Variants in ZDHHC14 observed in about 807,000 individuals in gnomAD.
ZDHHC14 encodes the protein zDHHC palmitoyltransferase 14.
Under a neutral mutation model 47.7 loss-of-function variants are expected in ZDHHC14, and 16 were observed. The ratio of observed to expected loss-of-function variants is 0.34; its 90% confidence interval spans 0.23 to 0.51. The LOEUF (loss-of-function observed/expected upper bound fraction) is 0.51, where lower values mean the gene tolerates loss of function less well. ZDHHC14 is among the 20% of genes least tolerant of loss of function. ZDHHC14 has a pLI of 0.97. For missense variants in ZDHHC14, 515 were observed against 662.5 expected, an observed-to-expected ratio of 0.78 and a Z score of 2.44; for synonymous variants, 293 against 278.9, an observed-to-expected ratio of 1.05 and a Z score of -0.50.
At chr6:157,455,420 G>A (rs565882944) in intron 1 of ZDHHC14, among the ~76,000 whole-genome samples, 1 of 152,390 alleles carries the variant, frequency 6.6e-6, no homozygotes, top group South Asian at 2.1e-4. Context: ...GGGGGTTCCT[G>A]TTGAGTGCCT....
chr6:157,617,676 T>C (rs1195096539), intron 3 of ZDHHC14, among the ~76,000 whole-genome samples: 1 of 106,978 alleles, frequency 9.3e-6, no homozygotes, highest in Non-Finnish European at 1.7e-5. Context: ...AACTCTATTC[T>C]GAAATCTTTT....
chr6:157,442,575 A>G (rs544117952), intron 1 of ZDHHC14, among the ~76,000 whole-genome samples: 41 of 152,298 alleles, frequency 2.7e-4, no homozygotes, highest in African/African-American at 9.6e-4. Context: ...GATAAATATC[A>G]CTTCCATTAA....
chr6:157,590,871 A>G (rs535904756), intron 2 of ZDHHC14, among the ~76,000 whole-genome samples: 12 of 152,374 alleles, frequency 7.9e-5, no homozygotes, highest in African/African-American at 2.9e-4. Flanking sequence ...CTGCAAAGTC[A>G]TAGGGCGGAG....
intron 8 of ZDHHC14, among the ~76,000 whole-genome samples, chr6:157,670,856 C>T (rs1277110913): frequency 6.6e-6 from 1 of 152,204 alleles, no homozygotes; most frequent in Non-Finnish European, 1.5e-5. Context: ...TTGAAGACTG[C>T]AGCCCCTCAA....
At chr6:157,407,622 A>G (rs886698325) in intron 1 of ZDHHC14, among the ~76,000 whole-genome samples, 3 of 152,230 alleles carry the variant, frequency 2.0e-5, no homozygotes, top group Non-Finnish European at 2.9e-5. Context: ...AAAGTAAAAG[A>G]GAATTAAAAA....
chr6:157,592,972 C>T lies in ZDHHC14; in HGVS notation c.407-16C>T. The stretch of plus-strand genomic sequence containing the variant: ...GGCTCTGAAGGTGTGCGCTCTTTCT[C>T]TTCTTTTCTCCACAGATATCGCAAA... On this transcript the variant is annotated splice_polypyrimidine_tract_variant and intron_variant, in intron 2 of 8. Coordinates refer to ENST00000359775, the MANE Select transcript of ZDHHC14 (RefSeq NM_024630.3). 1 of 1,605,620 alleles carries T rather than the reference C, an allele frequency of 6.2e-7. No individual in the cohort carries two copies. Among genetic ancestry groups the T allele is most frequent in the Non-Finnish European group, 8.5e-7 (1 of 1,176,498 alleles).
chr6:157,602,489 C>CAA (rs552594669), intron 3 of ZDHHC14, among the ~76,000 whole-genome samples: 1,117 of 60,528 alleles, frequency 0.018, 29 homozygotes, highest in African/African-American at 0.067. Context: ...GACTCCGTTT[C>CAA]AAAAAAAAAA....
At position 157,582,097 on chromosome 6, in the gene ZDHHC14, A is replaced by G. The variant is rs1334425867; in HGVS notation, c.407-10891A>G. Reference sequence around the variant, plus strand: ...TTTTTAGTAGATTTGGGCTTTCTCCATGTTGGCCAGGCTGGTCTCAAACTC... The same window carrying G: ...TTTTTAGTAGATTTGGGCTTTCTCCGTGTTGGCCAGGCTGGTCTCAAACTC... On this transcript the variant is annotated intron_variant, in intron 2 of 8. Coordinates refer to ENST00000359775, the MANE Select transcript of ZDHHC14 (RefSeq NM_024630.3). This position sits in a 1 kb window ranked among gnomAD's most constrained non-coding sequence, Gnocchi z 4.3. 2.0e-5 allele frequency among the ~76,000 whole-genome samples: 3 copies of G among 152,102 alleles called. No individual in the cohort carries two copies. Among genetic ancestry groups the G allele is most frequent in the Admixed American group, 6.5e-5 (1 of 15,280 alleles).
intron 8 of ZDHHC14, among the ~76,000 whole-genome samples, chr6:157,668,660 A>T (rs1020504616): frequency 6.6e-6 from 1 of 152,170 alleles, no homozygotes; most frequent in African/African-American, 2.4e-5. Flanking sequence ...AGATCGTGCC[A>T]CTGCACTCCA....
chr6:157,491,306 T>G (rs1452247214), intron 1 of ZDHHC14, among the ~76,000 whole-genome samples: 1 of 152,234 alleles, frequency 6.6e-6, no homozygotes, highest in Non-Finnish European at 1.5e-5. Context: ...AGGCTTTGTC[T>G]TTTGCTGAGG....
intron 3 of ZDHHC14, among the ~76,000 whole-genome samples, chr6:157,623,367 T>C (rs1473016525): frequency 1.3e-5 from 2 of 152,078 alleles, no homozygotes; most frequent in Non-Finnish European, 2.9e-5. Flanking sequence ...CATTCTTCTC[T>C]CTCCTTCTGC....
At chr6:157,419,088 T>G (rs1356046507) in intron 1 of ZDHHC14, among the ~76,000 whole-genome samples, 4 of 152,172 alleles carry the variant, frequency 2.6e-5, no homozygotes, top group African/African-American at 9.7e-5. Flanking sequence ...AATTCAACCA[T>G]TTTTCTCCTC....
At position 157,512,244 on chromosome 6, in the gene ZDHHC14, C is replaced by T. The variant is rs897963736; in HGVS notation, c.246-30341C>T. Among the ~76,000 whole-genome samples, 11 of 152,316 alleles carry T rather than the reference C, an allele frequency of 7.2e-5. No individual in the cohort carries two copies. In the Middle Eastern group the frequency reaches 0.017, roughly 235 times the overall value. On this transcript the variant is annotated intron_variant, in intron 1 of 8. Coordinates refer to ENST00000359775, the MANE Select transcript of ZDHHC14 (RefSeq NM_024630.3). Reference sequence around the variant, plus strand: ...GGAGCCGGGATTTGAACCCAGTCATCCTGGCTCGGGGTCCATGGCCCTGGC... The same window carrying T: ...GGAGCCGGGATTTGAACCCAGTCATTCTGGCTCGGGGTCCATGGCCCTGGC...
chr6:157,460,070 A>AG (rs1374731070), intron 1 of ZDHHC14, among the ~76,000 whole-genome samples: 1 of 150,930 alleles, frequency 6.6e-6, no homozygotes, highest in Non-Finnish European at 1.5e-5. Context: ...AAAAAAAAAA[A>AG]AAAAAATAGC....
At chr6:157,382,975 T>C (rs1777244165) in intron 1 of ZDHHC14, among the ~76,000 whole-genome samples, 2 of 152,184 alleles carry the variant, frequency 1.3e-5, no homozygotes, top group Admixed American at 6.5e-5. Context: ...TTAGGTCTGT[T>C]AAGGAAGAGG....
At chr6:157,417,000 T>C (rs1583626732) in intron 1 of ZDHHC14, among the ~76,000 whole-genome samples, 1 of 139,908 alleles carries the variant, frequency 7.1e-6, no homozygotes, top group Non-Finnish European at 1.6e-5. Flanking sequence ...TTTTTTTTTT[T>C]TGTATTTTTA....
chr6:157,540,922 A>G (rs1361485472), intron 1 of ZDHHC14, among the ~76,000 whole-genome samples: 13 of 95,436 alleles, frequency 1.4e-4, no homozygotes, highest in African/African-American at 2.1e-4. Flanking sequence ...ATATATATAT[A>G]TATATATATA....
At chr6:157,500,272 A>G (rs542623981) in intron 1 of ZDHHC14, among the ~76,000 whole-genome samples, 2 of 152,308 alleles carry the variant, frequency 1.3e-5, no homozygotes, top group East Asian at 1.9e-4. Context: ...AAGAAGATCA[A>G]CGTCACTGGA....
At chr6:157,537,225 T>G (rs1225371005) in intron 1 of ZDHHC14, among the ~76,000 whole-genome samples, 1 of 152,240 alleles carries the variant, frequency 6.6e-6, no homozygotes, top group Non-Finnish European at 1.5e-5. Flanking sequence ...AACAGTTCCA[T>G]TTTTCATGTA....
Sources: gnomAD v4.1 joint callset for allele counts (sites outside exome capture counted in the v4.1 genomes callset) on GRCh38, gnomAD v4.1.1 for gene constraint, Gnocchi (gnomAD v3.1) non-coding constraint, MANE v1.5 for transcripts, NCBI Gene and HGNC (gene_info 2026-07-23, HGNC 2026-07-21) for gene names.